VIT: variants seen among roughly 807,000 people sequenced by gnomAD.
VIT encodes the protein vitrin.
VIT carries 99 observed loss-of-function variants against 78.0 expected under a neutral mutation model. The ratio of observed to expected loss-of-function variants is 1.27; its 90% CI spans 1.08 to 1.50. The LOEUF (loss-of-function observed/expected upper bound fraction) is 1.50, where lower values mean the gene tolerates loss of function less well. Ranked by LOEUF, VIT falls within the 40% of genes most tolerant of loss-of-function variation. The pLI is 0.00. For synonymous variants in VIT, 374 were observed against 334.3 expected (o/e 1.12, Z -1.29); for missense variants, 1,126 against 875.3 (o/e 1.29, Z -3.61).
intron 3 of VIT, among the ~76,000 whole-genome samples, chr2:36,735,062 G>A (rs565297039): frequency 6.6e-6 from 1 of 152,122 alleles, no homozygotes; most frequent in Non-Finnish European, 1.5e-5. Context: ...TACTTGGGAG[G>A]CTGAGGCAGA....
At chr2:36,755,677 C>G (rs765933390) in intron 5 of VIT, among the ~76,000 whole-genome samples, 1 of 152,270 alleles carries the variant, frequency 6.6e-6, no homozygotes, top group South Asian at 2.1e-4. Context: ...CTCACTGTAA[C>G]AAGTATTACA....
At chr2:36,777,701 G>C (rs1670157314) in intron 9 of VIT, among the ~76,000 whole-genome samples, 1 of 152,236 alleles carries the variant, frequency 6.6e-6, no homozygotes, top group South Asian at 2.1e-4. Context: ...AGTTTTTGAA[G>C]CCCACACTGG....
At chr2:36,761,515 C>A (rs151178751) in intron 6 of VIT, among the ~76,000 whole-genome samples, 6 of 152,100 alleles carry the variant, frequency 3.9e-5, no homozygotes, top group African/African-American at 1.4e-4. Context: ...CCGAGGCAGG[C>A]GGATCGCGAG....
In VIT at chr2:36,814,258, G is replaced by C. The variant is rs372267074; in HGVS notation, c.1979G>C (p.Arg660Thr). Residue 660 changes from arginine to threonine, a missense_variant, in exon 16 of 16, where the codon AGA (arginine) becomes ACA (threonine). Arg to Thr is a moderately conservative substitution (Grantham distance 71). Coordinates refer to ENST00000379242, the MANE Select transcript of VIT (RefSeq NM_053276.4). ...GAAGTCATTGCCACTCACCCCGCCA[G>C]AGACCACTCCTTCTTTGTGGACGAG... The part of the protein sequence containing the change: ...ELEVIATHPA[R>T]DHSFFVDEFD... The C allele has an allele frequency of 6.2e-6, 10 of 1,614,122 alleles. No individual in the cohort carries two copies. In the African/African-American group the frequency reaches 1.1e-4, roughly 17 times the overall value.
chr2:36,761,946 G>A (rs1669148755), intron 6 of VIT, among the ~76,000 whole-genome samples: 1 of 152,090 alleles, frequency 6.6e-6, no homozygotes, highest in Non-Finnish European at 1.5e-5. Flanking sequence ...CCTTGAGAGA[G>A]GTTTAGTAAC....
At chr2:36,769,828 G>A (rs1282630930) in intron 7 of VIT, among the ~76,000 whole-genome samples, 2 of 152,026 alleles carry the variant, frequency 1.3e-5, no homozygotes, top group Non-Finnish European at 2.9e-5. Flanking sequence ...CCCATAAACA[G>A]TTACTCATCA....
At chr2:36,773,055 T>C (rs1257336429) in intron 7 of VIT, among the ~76,000 whole-genome samples, 2 of 152,232 alleles carry the variant, frequency 1.3e-5, no homozygotes, top group African/African-American at 2.4e-5. Flanking sequence ...TAACCCATTG[T>C]GTACCTCTAA....
intron 9 of VIT, among the ~76,000 whole-genome samples, chr2:36,778,779 A>G (rs910870821): frequency 6.6e-6 from 1 of 152,152 alleles, no homozygotes; most frequent in African/African-American, 2.4e-5. Context: ...CTCTCCAGGG[A>G]AAGTGCAGCC....
chr2:36,703,354 T>G (rs7340320), intron 1 of VIT, among the ~76,000 whole-genome samples: 1 of 146,386 alleles, frequency 6.8e-6, no homozygotes, highest in Non-Finnish European at 1.5e-5. Context: ...CCCACCCCCC[T>G]ACACCCAGCC....
At chr2:36,777,176 T>C (rs1366584766) in intron 9 of VIT, among the ~76,000 whole-genome samples, 3 of 143,202 alleles carry the variant, frequency 2.1e-5, no homozygotes, top group Non-Finnish European at 4.7e-5. Flanking sequence ...CTGTTTCAAA[T>C]GAGAAAGTGC....
Position 36,808,940 on chromosome 2 carries a change from T to C in VIT, c.1858T>C (p.Ser620Pro). The C allele has an allele frequency of 6.2e-7, 1 of 1,609,448 alleles. No homozygotes were observed. The highest frequency in any genetic ancestry group is 8.5e-7 in the Non-Finnish European group (1 of 1,176,880). The change falls in exon 15 of 16, where the codon TCC (serine) becomes CCC (proline). Residue 620 changes from serine (S) to proline (P), a missense_variant. Ser to Pro is a moderately conservative substitution (Grantham distance 74). Transcript: ENST00000379242. Reference sequence around the variant, plus strand: ...AATGATCCTCATCACCGACGGGAGGTCCTACGACGACGTCCGGATCCCAGC... The same window carrying C: ...AATGATCCTCATCACCGACGGGAGGCCCTACGACGACGTCCGGATCCCAGC... The part of the protein sequence containing the change: ...KLMILITDGR[S>P]YDDVRIPAMA...
intron 1 of VIT, among the ~76,000 whole-genome samples, chr2:36,707,592 C>T (rs968074227): frequency 4.6e-5 from 7 of 152,148 alleles, no homozygotes; most frequent in South Asian, 2.1e-4. Context: ...TTGGGATCTG[C>T]CCGGGAGCTG....
chr2:36,812,776 G>A (rs1667270487), intron 15 of VIT, among the ~76,000 whole-genome samples: 2 of 151,732 alleles, frequency 1.3e-5, no homozygotes, highest in Non-Finnish European at 2.9e-5. Context: ...TCAACTCACA[G>A]TAGTTCATTT....
rs1200804216 is a variant in VIT at position 36,781,790 on chromosome 2, C to T, written c.847+19C>T. 3 of 1,613,884 alleles carry T rather than the reference C, an allele frequency of 1.9e-6. No homozygotes were observed. The highest frequency in any genetic ancestry group is 1.7e-5 in the Admixed American group (1 of 59,998). The stretch of plus-strand genomic sequence containing the variant: ...GATGAAGGTAATTATACAGCCCAAC[C>T]TCTCAGCCACGCGTGGATCAAGATG... On this transcript the variant is annotated intron_variant, in intron 10 of 15. Transcript: ENST00000379242.
intron 1 of VIT, among the ~76,000 whole-genome samples, chr2:36,709,862 C>T (rs7572592): frequency 0.085 from 12,874 of 152,188 alleles, 793 homozygotes; most frequent in African/African-American, 0.17. Flanking sequence ...TGTAATGCCT[C>T]ACTAAGGAAT....
chr2:36,758,496 G>A (rs545043819), intron 5 of VIT, among the ~76,000 whole-genome samples: 1 of 152,240 alleles, frequency 6.6e-6, no homozygotes, highest in Non-Finnish European at 1.5e-5. Flanking sequence ...TATTTTCAAG[G>A]TTGACCTATA....
intron 2 of VIT, among the ~76,000 whole-genome samples, chr2:36,727,254 TC>T (rs1032125540): frequency 1.3e-5 from 2 of 152,102 alleles, no homozygotes; most frequent in African/African-American, 4.8e-5. Context: ...TTTTTTATGT[TC>T]CCTGCATTCA....
intron 1 of VIT, among the ~76,000 whole-genome samples, chr2:36,698,450 A>G (rs985006262): frequency 2.0e-5 from 3 of 152,210 alleles, no homozygotes; most frequent in Non-Finnish European, 4.4e-5. Flanking sequence ...GCATGCGCCA[A>G]GCCAGGAGTC....
rs78427726 is a variant in VIT, at chr2:36,801,035, T to C, written c.1059-266T>C. Among the ~76,000 whole-genome samples the C allele has an allele frequency of 5.7e-3, 869 of 152,274 alleles. 6 individuals carry two copies. The highest frequency in any genetic ancestry group is 9.7e-3 in the Non-Finnish European group (660 of 68,010). On this transcript the variant is annotated intron_variant, in intron 12 of 15. Transcript: ENST00000379242. ...TATGGGTGTTATAACGATGTTTTCA[T>C]CTACATGAGGAATCTGAAGCCCAGA...
Sources: allele counts gnomAD v4.1 joint callset (sites outside exome capture counted in the v4.1 genomes callset), GRCh38; gene constraint gnomAD v4.1.1; transcripts MANE v1.5; gene names NCBI Gene and HGNC (gene_info 2026-07-23, HGNC 2026-07-21).